The following OXSR1 variants were observed in gnomAD, a reference collection of about 807,000 sequenced individuals.
The protein encoded by OXSR1 is oxidative stress responsive kinase 1.
Under a neutral mutation model 79.8 loss-of-function variants are expected in OXSR1, and 24 were observed. That is an observed-to-expected ratio of 0.30 (90% CI 0.22 to 0.42). The LOEUF (loss-of-function observed/expected upper bound fraction) is 0.42. Ranked by LOEUF, OXSR1 falls within the 10% of genes least tolerant of loss-of-function variation. The pLI is 1.00. For synonymous variants in OXSR1, 226 were observed against 209.2 expected, an observed-to-expected ratio of 1.08 and a Z score of -0.69; for missense variants, 430 against 618.4, an observed-to-expected ratio of 0.70 and a Z score of 3.23.
Position 38,255,070 on chromosome 3 carries a change from A to G in OXSR1, c.*2179A>G, listed in dbSNP as rs560644376. 4.3e-4 allele frequency: 66 copies of G among 152,780 alleles called. No homozygotes were observed. Among genetic ancestry groups the G allele is most frequent in the Admixed American group, 1.0e-3 (16 of 15,300 alleles). 9.5% of individuals were successfully genotyped at this position (152,780 alleles called of 1,614,324 possible). Reference sequence around the variant, plus strand: ...GATACTGAGAAAATACATGAACAGAAACTGCCCAGGTGGAACAGCACGTAA... The same window carrying G: ...GATACTGAGAAAATACATGAACAGAGACTGCCCAGGTGGAACAGCACGTAA... On this transcript the variant is annotated 3_prime_UTR_variant, in exon 18 of 18. Coordinates refer to ENST00000311806, the MANE Select transcript of OXSR1 (RefSeq NM_005109.3).
chr3:38,218,326 GT>G (rs1702524908), intron 5 of OXSR1, among the ~76,000 whole-genome samples: 1 of 151,836 alleles, frequency 6.6e-6, no homozygotes, highest in Admixed American at 6.6e-5. Flanking sequence ...TAGTTTCTGG[GT>G]TTTTTGTTTT....
chr3:38,201,687 G>A (rs1702167467), intron 4 of OXSR1, among the ~76,000 whole-genome samples: 1 of 150,296 alleles, frequency 6.7e-6, no homozygotes, highest in Non-Finnish European at 1.5e-5. Context: ...TCCAGCTTAG[G>A]CGACAGAGCG....
chr3:38,189,446 G>A lies in OXSR1; in HGVS notation c.184-1285G>A, dbSNP rs116269725. Reference sequence around the variant, plus strand: ...TACTTAGCTTTTAGTACAGAAGACCGTGCTGGTGACTTTGGGGTTGCAAGA... The same window carrying A: ...TACTTAGCTTTTAGTACAGAAGACCATGCTGGTGACTTTGGGGTTGCAAGA... On this transcript the variant is annotated intron_variant, in intron 2 of 17. Coordinates refer to ENST00000311806, the MANE Select transcript of OXSR1 (RefSeq NM_005109.3). Among the ~76,000 whole-genome samples, 294 of 152,176 alleles carry A rather than the reference G, an allele frequency of 1.9e-3. 1 individual carries two copies. Among genetic ancestry groups the A allele is most frequent in the Middle Eastern group, 3.4e-3 (1 of 294 alleles).
intron 1 of OXSR1, among the ~76,000 whole-genome samples, chr3:38,175,924 A>T (rs1701668935): frequency 6.6e-6 from 1 of 152,188 alleles, no homozygotes; most frequent in African/African-American, 2.4e-5. Context: ...GTTTTATTGC[A>T]AATTGTTTTA....
At chr3:38,179,963 C>T (rs1280059585) in intron 1 of OXSR1, among the ~76,000 whole-genome samples, 2 of 152,184 alleles carry the variant, frequency 1.3e-5, no homozygotes, top group Non-Finnish European at 2.9e-5. Flanking sequence ...CGTGTGCCCC[C>T]ATGCCCGGCT....
intron 4 of OXSR1, among the ~76,000 whole-genome samples, chr3:38,203,973 A>G (rs2125823562): frequency 6.6e-6 from 1 of 152,308 alleles, no homozygotes; most frequent in East Asian, 1.9e-4. Context: ...TCAGAGAGCC[A>G]GGGCCTGGAG....
At chr3:38,206,665 T>C (rs902849320) in intron 4 of OXSR1, among the ~76,000 whole-genome samples, 3 of 152,310 alleles carry the variant, frequency 2.0e-5, no homozygotes, top group East Asian at 3.9e-4. Flanking sequence ...AAAATAGATA[T>C]ATGGATATGC....
chr3:38,185,115 C>A (rs554633332), intron 2 of OXSR1, among the ~76,000 whole-genome samples: 1 of 149,078 alleles, frequency 6.7e-6, no homozygotes, highest in Non-Finnish European at 1.5e-5. Context: ...GAGTAAGACT[C>A]CATCTCTGAA....
intron 8 of OXSR1, 121 bp downstream of exon 8, chr3:38,224,825 G>A: frequency 1.5e-6 from 1 of 681,566 alleles, no homozygotes; most frequent in Non-Finnish European, 2.4e-6. Flanking sequence ...CTTTAAAAAA[G>A]TATACAGAGA....
At chr3:38,228,719 C>T (rs550258730) in intron 8 of OXSR1, among the ~76,000 whole-genome samples, 19 of 152,130 alleles carry the variant, frequency 1.2e-4, no homozygotes, top group South Asian at 4.1e-4. Flanking sequence ...TACAGGCGCA[C>T]GCCACCATGC....
chr3:38,250,474 G>T (rs916983796), intron 15 of OXSR1, among the ~76,000 whole-genome samples: 12 of 152,164 alleles, frequency 7.9e-5, no homozygotes, highest in African/African-American at 2.9e-4. Flanking sequence ...CTCCATGATG[G>T]TAAAGAAACA....
At chr3:38,173,590 C>G (rs1701623909) in intron 1 of OXSR1, among the ~76,000 whole-genome samples, 1 of 152,206 alleles carries the variant, frequency 6.6e-6, no homozygotes, top group South Asian at 2.1e-4. Flanking sequence ...AGACTTGGCA[C>G]ACAGAATGGA....
chr3:38,180,070 A>G (rs185138360), intron 1 of OXSR1, among the ~76,000 whole-genome samples: 1 of 152,182 alleles, frequency 6.6e-6, no homozygotes, highest in African/African-American at 2.4e-5. Context: ...GGCTTCCCAA[A>G]GTGTTGGGAT....
intron 2 of OXSR1, 58 bp from the exon 3 acceptor site, chr3:38,190,673 C>G (rs758025396): frequency 1.2e-5 from 12 of 982,068 alleles, no homozygotes; most frequent in Non-Finnish European, 1.9e-5. Context: ...TTTGCTAACT[C>G]ACAACATTTG....
At chr3:38,213,296 A>G (rs1702422089) in intron 4 of OXSR1, among the ~76,000 whole-genome samples, 1 of 152,178 alleles carries the variant, frequency 6.6e-6, no homozygotes, top group Non-Finnish European at 1.5e-5. Context: ...GGTTTTCCTT[A>G]CAAAATCCCC....
chr3:38,218,622 T>G (rs890129499), intron 5 of OXSR1, among the ~76,000 whole-genome samples: 1 of 152,198 alleles, frequency 6.6e-6, no homozygotes, highest in Admixed American at 6.5e-5. Context: ...TCCCAGTCTG[T>G]GGGTTGCCTT....
chr3:38,251,100 A>G (rs1703246811), intron 15 of OXSR1, among the ~76,000 whole-genome samples: 1 of 152,208 alleles, frequency 6.6e-6, no homozygotes, highest in Non-Finnish European at 1.5e-5. Flanking sequence ...AGTTTTTGAG[A>G]ATAAATCATT....
At chr3:38,237,841 G>A (rs1024309057) in intron 11 of OXSR1, among the ~76,000 whole-genome samples, 2 of 152,138 alleles carry the variant, frequency 1.3e-5, no homozygotes, top group African/African-American at 4.8e-5. Context: ...CTTTATAAAT[G>A]TGAGACTATG....
chr3:38,246,414 G>A (rs1456881690), intron 13 of OXSR1, among the ~76,000 whole-genome samples, 193 bp downstream of exon 13: 2 of 152,170 alleles, frequency 1.3e-5, no homozygotes, highest in African/African-American at 4.8e-5. Context: ...AGGTTTTTAA[G>A]CAACAGAATA....
Sources: allele counts gnomAD v4.1 joint callset (sites outside exome capture counted in the v4.1 genomes callset), GRCh38; gene constraint gnomAD v4.1.1; transcripts MANE v1.5; gene names NCBI Gene and HGNC (gene_info 2026-07-23, HGNC 2026-07-21).